The following PDE1C variants were observed in gnomAD, a reference collection of about 807,000 sequenced individuals.
PDE1C encodes the protein phosphodiesterase 1C.
A neutral mutation model predicts 93.1 loss-of-function variants in PDE1C; 62 were observed. That is an observed-to-expected ratio of 0.67 (90% confidence interval 0.54 to 0.82). PDE1C has a LOEUF of 0.82. PDE1C is among the 40% of genes least tolerant of loss of function. The pLI, the probability that PDE1C is intolerant of heterozygous loss-of-function variation, is 0.00. For missense variants in PDE1C, 742 were observed against 884.6 expected, an observed-to-expected ratio of 0.84 and a Z score of 2.04; for synonymous variants, 325 against 310.1, an observed-to-expected ratio of 1.05 and a Z score of -0.50.
chr7:31,796,112 T>C (rs1009533075), intron 16 of PDE1C, among the ~76,000 whole-genome samples: 21 of 150,174 alleles, frequency 1.4e-4, no homozygotes, highest in Admixed American at 4.7e-4. Context: ...TACACACACA[T>C]ATATATATAT....
At chr7:31,970,714 C>G (rs1473869856) in intron 2 of PDE1C, among the ~76,000 whole-genome samples, 1 of 152,196 alleles carries the variant, frequency 6.6e-6, no homozygotes, top group Non-Finnish European at 1.5e-5. Flanking sequence ...ACTGATGCCT[C>G]AATTATAATC....
At chr7:31,818,536 T>A (rs533588879) in intron 14 of PDE1C, among the ~76,000 whole-genome samples, 2 of 152,326 alleles carry the variant, frequency 1.3e-5, no homozygotes, top group East Asian at 3.9e-4. Flanking sequence ...TGTAACCTTA[T>A]CTGTATGTAT....
At chr7:32,030,349 C>T (rs373479626) in intron 2 of PDE1C, among the ~76,000 whole-genome samples, 2 of 152,078 alleles carry the variant, frequency 1.3e-5, no homozygotes, top group African/African-American at 4.8e-5. Flanking sequence ...TTGAAACCCA[C>T]CAAACTCATG....
Position 32,182,351 on chromosome 7 carries a change from G to T in PDE1C, c.137-12395C>A, listed in dbSNP as rs564351670. 3.3e-5 allele frequency among the ~76,000 whole-genome samples: 5 copies of T among 152,238 alleles called. No individual in the cohort carries two copies. In the East Asian group the frequency reaches 9.7e-4, roughly 29 times the overall value. Reference sequence around the variant, plus strand: ...GCCTGGCAGAGACACAACAAACAAAGAGAATTTTAGACCAATATCCTTGAT... The same window carrying T: ...GCCTGGCAGAGACACAACAAACAAATAGAATTTTAGACCAATATCCTTGAT... On this transcript the variant is annotated intron_variant, in intron 2 of 18. Transcript: ENST00000396193.
chr7:32,136,325 T>A (rs1269898288), intron 3 of PDE1C, among the ~76,000 whole-genome samples: 1 of 151,824 alleles, frequency 6.6e-6, no homozygotes, highest in Non-Finnish European at 1.5e-5. Context: ...TTAAAAAAAA[T>A]TAATGCATTT....
chr7:31,761,407 C>T (rs1350352923), intron 17 of PDE1C, among the ~76,000 whole-genome samples: 1 of 152,136 alleles, frequency 6.6e-6, no homozygotes, highest in African/African-American at 2.4e-5. Context: ...AGTAAGTCAT[C>T]CCCTAACCCC....
intron 2 of PDE1C, among the ~76,000 whole-genome samples, chr7:31,905,579 G>A (rs113825774): frequency 6.6e-6 from 1 of 152,178 alleles, no homozygotes; most frequent in African/African-American, 2.4e-5. Context: ...TTCTTTTAAA[G>A]CCCCTGTGGT....
At chr7:31,827,660 T>A (rs1230923703) in intron 12 of PDE1C, among the ~76,000 whole-genome samples, 1 of 152,154 alleles carries the variant, frequency 6.6e-6, no homozygotes, top group Non-Finnish European at 1.5e-5. Context: ...TTTTCTTAAA[T>A]GACTTCAGAC....
intron 1 of PDE1C, among the ~76,000 whole-genome samples, chr7:32,319,230 G>A (rs912351898): frequency 2.6e-5 from 4 of 152,204 alleles, no homozygotes; most frequent in African/African-American, 9.6e-5. Flanking sequence ...ACCGTTTTCG[G>A]ACACTTCACT....
chr7:31,707,007 T>G, the PDE1C span, among the ~76,000 whole-genome samples: 1 of 152,200 alleles, frequency 6.6e-6, no homozygotes, highest in East Asian at 1.9e-4. Context: ...ACCAGAATCG[T>G]GTCCTCATTG....
chr7:32,363,361 G>C (rs137988640), intron 1 of PDE1C, among the ~76,000 whole-genome samples: 1 of 152,226 alleles, frequency 6.6e-6, no homozygotes, highest in Non-Finnish European at 1.5e-5. Flanking sequence ...CACACAGCAA[G>C]TAACCAGCAG....
chr7:31,883,863 C>T (rs1293355843), intron 2 of PDE1C, among the ~76,000 whole-genome samples: 2 of 152,232 alleles, frequency 1.3e-5, no homozygotes, highest in Non-Finnish European at 2.9e-5. Flanking sequence ...TCAGAGGCTT[C>T]TCCCTGATGT....
In PDE1C at chr7:32,179,307, C is replaced by T. The variant is rs530021410; in HGVS notation, c.137-9351G>A. 3.2e-3 allele frequency among the ~76,000 whole-genome samples: 470 copies of T among 149,094 alleles called. 2 individuals carry two copies. The highest frequency in any genetic ancestry group is 0.011 in the African/African-American group (442 of 40,442). ...TGGAGTCTCACTCTGTCACCCAGGC[C>T]GGAGTGCAGTGGCGTGATCTCAGCT... On this transcript the variant is annotated intron_variant, in intron 2 of 18. Coordinates refer to the PDE1C transcript ENST00000396193.
At chr7:32,223,052 G>T (rs1430088629) in intron 1 of PDE1C, among the ~76,000 whole-genome samples, 1 of 152,082 alleles carries the variant, frequency 6.6e-6, no homozygotes, top group Non-Finnish European at 1.5e-5. Context: ...AGCATGCAAG[G>T]CCCCTCACTT....
intron 3 of PDE1C, 127 bp from the exon 4 acceptor site, chr7:31,879,305 C>A: frequency 2.3e-6 from 2 of 854,812 alleles, no homozygotes; most frequent in Admixed American, 2.8e-5. Flanking sequence ...AAATTGGCCA[C>A]AAAAAATACA....
chr7:31,643,135 G>A, the PDE1C span: 12 of 1,613,854 alleles, frequency 7.4e-6, no homozygotes, highest in Non-Finnish European at 9.3e-6. Context: ...AGCTGGCAAA[G>A]TGCAAAGCCA....
the PDE1C span, among the ~76,000 whole-genome samples, chr7:31,621,787 C>G: frequency 2.7e-5 from 4 of 149,060 alleles, no homozygotes; most frequent in Non-Finnish European, 4.5e-5. Flanking sequence ...GGACTAAATG[C>G]TCCAATTAAA....
At chr7:31,700,152 T>G in the PDE1C span, among the ~76,000 whole-genome samples, 1 of 152,150 alleles carries the variant, frequency 6.6e-6, no homozygotes, top group Non-Finnish European at 1.5e-5. Flanking sequence ...AGGCTGAAAA[T>G]TAGGTCTCTT....
At chr7:31,844,834 C>CT (rs533687117) in intron 9 of PDE1C, among the ~76,000 whole-genome samples, 1 of 152,008 alleles carries the variant, frequency 6.6e-6, no homozygotes, top group Non-Finnish European at 1.5e-5. Flanking sequence ...TTTAAAACAG[C>CT]TTTTTCCTCT....
Sources: allele counts gnomAD v4.1 joint callset (sites outside exome capture counted in the v4.1 genomes callset), GRCh38; gene constraint gnomAD v4.1.1; transcripts MANE v1.5; gene names NCBI Gene and HGNC (gene_info 2026-07-23, HGNC 2026-07-21).